Variants in HECW2 observed in about 807,000 individuals in gnomAD.
HECW2 encodes the protein HECT, C2 and WW domain containing E3 ubiquitin protein ligase 2, also known as E3 ubiquitin-protein ligase HECW2.
HECW2 carries 61 observed loss-of-function variants against 175.2 expected under a neutral mutation model. That is an observed-to-expected ratio of 0.35 (90% CI 0.28 to 0.43). The LOEUF is 0.43. Among genes scored for constraint, HECW2 ranks in the 20% least tolerant of loss-of-function variants. HECW2 has a pLI of 1.00. For missense variants in HECW2, 1,524 were observed against 2,000.5 expected (o/e 0.76, Z 4.54); for synonymous variants, 671 against 731.0 (o/e 0.92, Z 1.32).
At chr2:196,396,662 G>A (rs1017707631) in intron 2 of HECW2, among the ~76,000 whole-genome samples, 1 of 152,214 alleles carries the variant, frequency 6.6e-6, no homozygotes, top group African/African-American at 2.4e-5. Flanking sequence ...CTTGCCTAGA[G>A]GCATTTCCTT....
At chr2:196,306,406 A>T in intron 13 of HECW2, 82 bp downstream of exon 13, 1 of 1,349,186 alleles carries the variant, frequency 7.4e-7, no homozygotes, top group South Asian at 1.4e-5. Context: ...CGCCATTATC[A>T]TTCCTGCTAT....
chr2:196,459,512 T>C lies in HECW2; in HGVS notation c.-35-26054A>G, dbSNP rs76747688. ...CTGTTAGCCAAGGGGACCCCAGAAA[T>C]CCTTGAAAACTCAGTTCCCAACCAT... On this transcript the variant is annotated intron_variant, in intron 1 of 28. Transcript: ENST00000644978. Among the ~76,000 whole-genome samples the C allele has an allele frequency of 9.3e-5, 14 of 151,142 alleles. No individual in the cohort carries two copies. The East Asian group carries it at 2.7e-3, about 29-fold the overall frequency.
intron 1 of HECW2, among the ~76,000 whole-genome samples, chr2:196,490,505 G>A (rs1687149115): frequency 6.6e-6 from 1 of 152,132 alleles, no homozygotes; most frequent in East Asian, 1.9e-4. Context: ...AATGGTGGTG[G>A]AAATGCAAGA....
rs1393282739 is a variant in HECW2, at chr2:196,215,973, A to G, written c.4499T>C (p.Val1500Ala). The G allele has an allele frequency of 6.2e-7, 1 of 1,610,110 alleles. No individual in the cohort carries two copies. The highest frequency in any genetic ancestry group is 1.3e-5 in the African/African-American group (1 of 74,838). ...NEQRLRLLQF[V>A]TGTSSIPYEG... ...ATAGGGAATGCTGGATGTGCCTGTA[A>G]CAAACTGTCAACCCAAGAAAACAGA... Residue 1500 changes from valine (V) to alanine (A), a missense_variant, in exon 28 of 29, where the codon GTT becomes GCT. This residue lies in a region of HECW2 where 134 missense variants were observed against 287.8 expected (regional missense o/e 0.47). Transcript: ENST00000644978.
chr2:196,255,559 C>G (rs10209116), intron 18 of HECW2, among the ~76,000 whole-genome samples: 3,504 of 152,230 alleles, frequency 0.023, 105 homozygotes, highest in African/African-American at 0.078. Flanking sequence ...TGGAAAATAA[C>G]TTTACATGCG....
chr2:196,374,696 A>G (rs1288950201), intron 2 of HECW2, among the ~76,000 whole-genome samples: 1 of 152,220 alleles, frequency 6.6e-6, no homozygotes, highest in Non-Finnish European at 1.5e-5. Context: ...GTTTCCCCAA[A>G]AAGTGACCTT....
At chr2:196,480,203 G>T (rs889915419) in intron 1 of HECW2, among the ~76,000 whole-genome samples, 3 of 152,094 alleles carry the variant, frequency 2.0e-5, no homozygotes, top group African/African-American at 7.2e-5. Context: ...ACATCAGTTT[G>T]GGGGGTCCCT....
intron 10 of HECW2, among the ~76,000 whole-genome samples, chr2:196,311,745 T>C (rs1024309084): frequency 1.3e-5 from 2 of 152,106 alleles, no homozygotes; most frequent in Non-Finnish European, 2.9e-5. Context: ...TGTAGTGAGC[T>C]GAGATCACGC....
chr2:196,395,514 C>T lies in HECW2; in HGVS notation c.292+37618G>A, dbSNP rs117209724. On this transcript the variant is annotated intron_variant, in intron 2 of 28. Coordinates refer to ENST00000644978, the MANE Select transcript of HECW2 (RefSeq NM_001348768.2). ...ATAAAGAACTCCTACAACTCAACAA[C>T]GACAACAAAAACCAAACAACTTGGT... 4.5e-3 allele frequency among the ~76,000 whole-genome samples: 677 copies of T among 152,102 alleles called. 21 individuals are homozygous for T. Among genetic ancestry groups the T allele is most frequent in the Admixed American group, 0.037 (567 of 15,270 alleles).
chr2:196,315,231 G>A (rs1218011206), intron 10 of HECW2, among the ~76,000 whole-genome samples: 3 of 151,476 alleles, frequency 2.0e-5, no homozygotes. Flanking sequence ...TCACTTCTGA[G>A]TTTTTAAAAT....
At chr2:196,553,079 G>C (rs551776362) in intron 1 of HECW2, among the ~76,000 whole-genome samples, 2 of 152,310 alleles carry the variant, frequency 1.3e-5, no homozygotes, top group African/African-American at 4.8e-5. Context: ...TTTCTCACAG[G>C]CTTTTGTGTT....
At chr2:196,334,341 C>T in intron 4 of HECW2, 83 bp downstream of exon 4, 1 of 1,000,264 alleles carries the variant, frequency 1.0e-6, no homozygotes, top group Non-Finnish European at 1.5e-6. Flanking sequence ...TTCCTCATAA[C>T]CCTGTCAGGG....
chr2:196,278,133 A>AAAAAATATATATATATATATATAT (rs531920307), intron 15 of HECW2, among the ~76,000 whole-genome samples: 1 of 66,552 alleles, frequency 1.5e-5, no homozygotes, highest in African/African-American at 4.1e-5. Context: ...ATAATTAAAA[A>AAAAAATATATATATATATATATAT]ATATATATAT....
At chr2:196,307,098 G>A (rs952166490) in intron 12 of HECW2, 32 bp downstream of exon 12, 3 of 1,448,480 alleles carry the variant, frequency 2.1e-6, no homozygotes, top group Non-Finnish European at 2.9e-6. Flanking sequence ...CCACTTTTAT[G>A]AAATTACAAA....
intron 13 of HECW2, among the ~76,000 whole-genome samples, chr2:196,297,428 G>A (rs1261491383): frequency 1.3e-5 from 2 of 152,214 alleles, no homozygotes; most frequent in Non-Finnish European, 2.9e-5. Flanking sequence ...GGTTGTAGAA[G>A]TAAATGTCAT....
intron 28 of HECW2, among the ~76,000 whole-genome samples, chr2:196,215,243 T>C (rs1334322773): frequency 6.6e-6 from 1 of 152,244 alleles, no homozygotes; most frequent in East Asian, 1.9e-4. Context: ...TGTGTGGACG[T>C]TGTAATAAGG....
At chr2:196,260,065 G>A (rs1197620742) in intron 17 of HECW2, 1 of 152,156 alleles carries the variant, frequency 6.6e-6, no homozygotes. Flanking sequence ...CCTGGTCTGC[G>A]GCTTGGAAGT....
At chr2:196,480,280 C>T (rs73051063) in intron 1 of HECW2, among the ~76,000 whole-genome samples, 13,944 of 152,184 alleles carry the variant, frequency 0.092, 810 homozygotes, top group South Asian at 0.16. Flanking sequence ...CTTCCACACA[C>T]AGTTTATACT....
intron 6 of HECW2, among the ~76,000 whole-genome samples, chr2:196,323,267 A>T (rs1692016177): frequency 6.6e-6 from 1 of 152,250 alleles, no homozygotes; most frequent in Admixed American, 6.5e-5. Context: ...GCCACTGGGG[A>T]AATTTGGATC....
Sources: allele counts gnomAD v4.1 joint callset (sites outside exome capture counted in the v4.1 genomes callset), GRCh38; gene constraint gnomAD v4.1.1; regional missense constraint gnomAD v4.1.1; transcripts MANE v1.5; gene names NCBI Gene and HGNC (gene_info 2026-07-23, HGNC 2026-07-21).